The following EPHA3 variants were observed in gnomAD, a reference collection of about 807,000 sequenced individuals.
The protein encoded by EPHA3 is EPH receptor A3.
EPHA3 carries 42 observed loss-of-function variants against 107.1 expected under a neutral mutation model. The ratio of observed to expected loss-of-function variants is 0.39; its 90% CI spans 0.31 to 0.51. The LOEUF (loss-of-function observed/expected upper bound fraction) is 0.51. EPHA3 is among the 20% of genes least tolerant of loss of function. EPHA3 has a pLI of 0.78. For missense variants in EPHA3, 1,183 were observed against 1,211.2 expected (o/e 0.98, Z 0.35); for synonymous variants, 461 against 424.8 (o/e 1.09, Z -1.05).
At chr3:89,392,956 C>T (rs1426818664) in intron 5 of EPHA3, among the ~76,000 whole-genome samples, 2 of 152,044 alleles carry the variant, frequency 1.3e-5, no homozygotes, top group Non-Finnish European at 2.9e-5. Context: ...GAGAATTTGT[C>T]TCTTTCTCCA....
Position 89,210,231 on chromosome 3 carries a change from C to G in EPHA3, c.525C>G (p.Asn175Lys). The G allele has an allele frequency of 6.2e-7, 1 of 1,614,012 alleles. No individual in the cohort carries two copies. The highest frequency in any genetic ancestry group is 8.5e-7 in the Non-Finnish European group (1 of 1,179,958). ...AGATTAGAGAAGTAGGTCCTGTCAA[C>G]AAGAAGGGATTTTATTTGGCATTTC... is the stretch of plus-strand genomic sequence containing the variant. ...NTEIREVGPV[N>K]KKGFYLAFQD... The change falls in exon 3 of 17, where the codon AAC (asparagine) becomes AAG (lysine). Residue 175 changes from asparagine (N) to lysine (K), a missense_variant. Asn to Lys is a moderately conservative substitution (Grantham distance 94). Transcript: ENST00000336596.
chr3:89,448,529 C>G (rs1177068935), intron 13 of EPHA3, among the ~76,000 whole-genome samples: 1 of 152,044 alleles, frequency 6.6e-6, no homozygotes, highest in Non-Finnish European at 1.5e-5. Flanking sequence ...ACTTTTATAT[C>G]TCCCATAACT....
intron 13 of EPHA3, among the ~76,000 whole-genome samples, chr3:89,441,402 CT>C (rs1709781670): frequency 6.6e-6 from 1 of 152,198 alleles, no homozygotes; most frequent in Admixed American, 6.5e-5. Context: ...CAACTGGAAG[CT>C]TTTCTGAAAT....
rs575351667 is a variant in EPHA3, at chr3:89,161,592, G to A, written c.153+34319G>A. Reference sequence around the variant, plus strand: ...TTATTTAATTAGTTTTTTTACTGACGGGCAGTCATTCATTTTATATATACA... The same window carrying A: ...TTATTTAATTAGTTTTTTTACTGACAGGCAGTCATTCATTTTATATATACA... On this transcript the variant is annotated intron_variant, in intron 2 of 16. Transcript: ENST00000336596. Among the ~76,000 whole-genome samples the A allele has an allele frequency of 5.3e-5, 8 of 151,812 alleles. 1 individual carries two copies. In the South Asian group the frequency reaches 1.0e-3, roughly 20 times the overall value.
intron 3 of EPHA3, among the ~76,000 whole-genome samples, chr3:89,317,723 T>G (rs1283365483): frequency 6.6e-6 from 1 of 151,742 alleles, no homozygotes; most frequent in African/African-American, 2.4e-5. Flanking sequence ...ATATATTCTA[T>G]CCATTCAATA....
chr3:89,233,626 C>T (rs1192290851), intron 3 of EPHA3, among the ~76,000 whole-genome samples: 1 of 152,140 alleles, frequency 6.6e-6, no homozygotes, highest in Admixed American at 6.5e-5. Flanking sequence ...AAAATTATAT[C>T]GGTTCCTCAA....
At chr3:89,429,216 C>A in intron 12 of EPHA3, 49 bp downstream of exon 12, 1 of 1,399,018 alleles carries the variant, frequency 7.1e-7, no homozygotes, top group Non-Finnish European at 1.0e-6. Context: ...TTGCTGAAAA[C>A]ATTAGAGACA....
intron 3 of EPHA3, among the ~76,000 whole-genome samples, chr3:89,293,681 C>A (rs1706273591): frequency 6.6e-6 from 1 of 152,144 alleles, no homozygotes. Context: ...CCTCCTTGCT[C>A]TTTCTCTCTT....
intron 10 of EPHA3, among the ~76,000 whole-genome samples, chr3:89,416,875 AG>A (rs756379204): frequency 1.6e-4 from 24 of 151,432 alleles, no homozygotes; most frequent in Non-Finnish European, 2.7e-4. Context: ...TCATATCTCT[AG>A]TATGCTATCC....
intron 3 of EPHA3, among the ~76,000 whole-genome samples, chr3:89,322,529 CTA>C (rs1466348442): frequency 2.0e-5 from 3 of 152,054 alleles, no homozygotes; most frequent in African/African-American, 7.2e-5. Context: ...TGTTTGGAAA[CTA>C]TGTAAATGAA....
chr3:89,190,101 C>G (rs979397859), intron 2 of EPHA3, among the ~76,000 whole-genome samples: 41 of 152,260 alleles, frequency 2.7e-4, no homozygotes, highest in African/African-American at 9.4e-4. Context: ...TTTATGACTA[C>G]TTTACCTAAA....
intron 3 of EPHA3, among the ~76,000 whole-genome samples, chr3:89,295,267 T>A (rs1488360797): frequency 2.6e-5 from 4 of 152,170 alleles, no homozygotes; most frequent in African/African-American, 9.7e-5. Context: ...ACTTTATTAC[T>A]AAAAAATGCT....
intron 2 of EPHA3, among the ~76,000 whole-genome samples, chr3:89,147,094 C>A (rs534440579): frequency 6.6e-6 from 1 of 151,778 alleles, no homozygotes; most frequent in African/African-American, 2.4e-5. Flanking sequence ...AACAAAAAAC[C>A]AAACACCACA....
chr3:89,264,884 GA>G (rs1705500466), intron 3 of EPHA3, among the ~76,000 whole-genome samples: 1 of 152,054 alleles, frequency 6.6e-6, no homozygotes, highest in African/African-American at 2.4e-5. Context: ...GAATATTAAT[GA>G]AATGAAAATG....
At chr3:89,322,394 A>G (rs960074125) in intron 3 of EPHA3, among the ~76,000 whole-genome samples, 2 of 152,148 alleles carry the variant, frequency 1.3e-5, no homozygotes, top group African/African-American at 4.8e-5. Context: ...GACATTGGTC[A>G]GTGTCAACAT....
At chr3:89,280,506 C>T (rs568827594) in intron 3 of EPHA3, among the ~76,000 whole-genome samples, 29 of 152,246 alleles carry the variant, frequency 1.9e-4, no homozygotes, top group Admixed American at 1.6e-3. Flanking sequence ...TGTTTCTATT[C>T]TCATTGATTA....
intron 3 of EPHA3, among the ~76,000 whole-genome samples, chr3:89,340,265 A>G (rs191824273): frequency 2.6e-5 from 4 of 152,342 alleles, no homozygotes; most frequent in African/African-American, 9.6e-5. Flanking sequence ...TCATAAGTGT[A>G]TTAGTTTAAA....
intron 3 of EPHA3, among the ~76,000 whole-genome samples, chr3:89,252,578 A>C (rs549673063): frequency 6.6e-6 from 1 of 152,034 alleles, no homozygotes. Context: ...AAAATTTAAA[A>C]AATTAGTCAG....
intron 1 of EPHA3, among the ~76,000 whole-genome samples, chr3:89,116,402 C>T (rs936617018): frequency 2.6e-5 from 4 of 151,788 alleles, no homozygotes; most frequent in Non-Finnish European, 5.9e-5. Flanking sequence ...AAATTTCCCC[C>T]CGTTTAAAAT....
Sources: gnomAD v4.1 joint callset for allele counts (sites outside exome capture counted in the v4.1 genomes callset) on GRCh38, gnomAD v4.1.1 for gene constraint, MANE v1.5 for transcripts, NCBI Gene and HGNC (gene_info 2026-07-23, HGNC 2026-07-21) for gene names.